Variants in LOXL2 observed in about 807,000 individuals in gnomAD.
LOXL2 encodes the protein lysyl oxidase like 2.
Under a neutral mutation model 93.0 loss-of-function variants are expected in LOXL2, and 70 were observed. That is an observed-to-expected ratio of 0.75 (90% CI 0.62 to 0.92). The LOEUF is 0.92. LOXL2 is among the 40% of genes least tolerant of loss of function. The pLI is 0.00. For synonymous variants in LOXL2, 438 were observed against 413.2 expected (o/e 1.06, Z -0.73); for missense variants, 973 against 1,054.9 (o/e 0.92, Z 1.08).
chr8:23,346,112 AAAATT>A (rs1229564356), intron 3 of LOXL2, among the ~76,000 whole-genome samples: 2 of 136,028 alleles, frequency 1.5e-5, no homozygotes, highest in African/African-American at 2.8e-5. Flanking sequence ...AAAATAAAAT[AAAATT>A]AAAATAAAAT....
intron 1 of LOXL2, among the ~76,000 whole-genome samples, chr8:23,399,254 G>A (rs1800129203): frequency 6.6e-6 from 1 of 152,166 alleles, no homozygotes; most frequent in Non-Finnish European, 1.5e-5. Context: ...GGAAATGGAC[G>A]ATGACAGTAA....
At chr8:23,401,628 A>T (rs1464377530) in intron 1 of LOXL2, among the ~76,000 whole-genome samples, 1 of 152,208 alleles carries the variant, frequency 6.6e-6, no homozygotes, top group Non-Finnish European at 1.5e-5. Context: ...TGCATACTTG[A>T]AATTTTTTGA....
intron 1 of LOXL2, among the ~76,000 whole-genome samples, chr8:23,389,904 C>T (rs1804815006): frequency 1.3e-5 from 2 of 152,194 alleles, no homozygotes; most frequent in South Asian, 4.1e-4. Flanking sequence ...CTGCCTGCCC[C>T]GGATTTGAAG....
intron 10 of LOXL2, among the ~76,000 whole-genome samples, chr8:23,307,972 A>AAAAAAAAAAAAAAC (rs1803257013): frequency 6.6e-6 from 1 of 151,040 alleles, no homozygotes; most frequent in Non-Finnish European, 1.5e-5. Flanking sequence ...AAAAAAAAAA[A>AAAAAAAAAAAAAAC]AGCCAAAGAT....
intron 6 of LOXL2, among the ~76,000 whole-genome samples, chr8:23,324,244 T>C (rs950173557): frequency 6.6e-6 from 1 of 152,230 alleles, no homozygotes; most frequent in Non-Finnish European, 1.5e-5. Flanking sequence ...CTTGCGTGGC[T>C]GTCTCAGCCA....
chr8:23,349,525 C>G lies in LOXL2; in HGVS notation c.532-8322G>C, dbSNP rs1804055547. 2.0e-5 allele frequency among the ~76,000 whole-genome samples: 3 copies of G among 152,150 alleles called. No individual in the cohort carries two copies. The South Asian group carries it at 6.2e-4, about 32-fold the overall frequency. ...GGTCCCTAATCTAGAGGAGGAGAGG[C>G]AGCACCAGCATCTCTGTGAAGCCCC... On this transcript the variant is annotated intron_variant, in intron 3 of 13. Transcript: ENST00000389131.
chr8:23,402,119 T>A (rs1800159066), intron 1 of LOXL2, among the ~76,000 whole-genome samples: 1 of 151,162 alleles, frequency 6.6e-6, no homozygotes, highest in African/African-American at 2.4e-5. Flanking sequence ...AATACACATA[T>A]ACACATACAG....
chr8:23,397,314 C>T (rs1024716741), intron 1 of LOXL2, among the ~76,000 whole-genome samples: 3 of 152,136 alleles, frequency 2.0e-5, no homozygotes, highest in South Asian at 2.1e-4. Flanking sequence ...ACACACTTAA[C>T]GCCACTGCAC....
chr8:23,298,016 A>C lies in LOXL2; in HGVS notation c.*27T>G. On this transcript the variant is annotated 3_prime_UTR_variant, in exon 14 of 14. Transcript: ENST00000389131. ...CCATGGAAGATGTGGTGTGGCCTGAAGACAGGAGTTGACCACGCAGGCTTC... is the reference window on the plus strand; with the variant it reads ...CCATGGAAGATGTGGTGTGGCCTGACGACAGGAGTTGACCACGCAGGCTTC... 6.3e-7 allele frequency: 1 copy of C among 1,598,056 alleles called. No homozygotes were observed. The highest frequency in any genetic ancestry group is 8.6e-7 in the Non-Finnish European group (1 of 1,166,850).
At chr8:23,359,148 G>T (rs374785200) in intron 3 of LOXL2, among the ~76,000 whole-genome samples, 1 of 151,924 alleles carries the variant, frequency 6.6e-6, no homozygotes, top group African/African-American at 2.4e-5. Context: ...CCCCGCGCCC[G>T]ACCCAGTACC....
chr8:23,321,974 T>G, intron 7 of LOXL2, 156 bp downstream of exon 7: 2 of 823,158 alleles, frequency 2.4e-6, no homozygotes, highest in Non-Finnish European at 3.8e-6. Context: ...AGGCCCGAGG[T>G]TCGAGGGGGA....
Position 23,333,465 on chromosome 8 carries a change from C to T in LOXL2, c.902G>A (p.Cys301Tyr), listed in dbSNP as rs946589391. Residue 301 changes from cysteine to tyrosine, a missense_variant, in exon 5 of 14, where the codon TGT (cysteine) becomes TAT (tyrosine). Transcript: ENST00000389131. ...CENGLPAVVS[C>Y]VPGQVFSPDG... ...AGGGCTGAAGACCTGCCCAGGCACA[C>T]AACTCACCACGGCCGGTAGCCCATT... The T allele has an allele frequency of 6.2e-7, 1 of 1,613,850 alleles. No homozygotes were observed. Among genetic ancestry groups the T allele is most frequent in the African/African-American group, 1.3e-5 (1 of 74,940 alleles).
chr8:23,320,732 A>AC (rs1206086201), intron 7 of LOXL2, among the ~76,000 whole-genome samples: 1 of 151,968 alleles, frequency 6.6e-6, no homozygotes, highest in African/African-American at 2.4e-5. Flanking sequence ...ACATAGTGAG[A>AC]CCCCATCTCT....
Position 23,368,409 on chromosome 8 carries a change from C to G in LOXL2, c.-58G>C. On this transcript the variant is annotated 5_prime_UTR_variant, in exon 2 of 14. Coordinates refer to ENST00000389131, the MANE Select transcript of LOXL2 (RefSeq NM_002318.3). ...GCCCTGCGCAGCTGGGAGGGACAGG[C>G]GGGGTACAGAAGCAGCAGGAGCTTT... 6.8e-7 allele frequency: 1 copy of G among 1,472,282 alleles called. No individual in the cohort carries two copies. Among genetic ancestry groups the G allele is most frequent in the Non-Finnish European group, 9.4e-7 (1 of 1,063,788 alleles). 91.2% of individuals were successfully genotyped at this position (1,472,282 alleles called of 1,614,324 possible).
chr8:23,342,696 G>C (rs1184165771), intron 3 of LOXL2, among the ~76,000 whole-genome samples: 1 of 152,080 alleles, frequency 6.6e-6, no homozygotes, highest in Admixed American at 6.5e-5. Flanking sequence ...CTCACAAAGT[G>C]CTGGGATTAC....
At position 23,317,062 on chromosome 8, in the gene LOXL2, C is replaced by G. The variant is rs748246154; in HGVS notation, c.1523G>C (p.Gly508Ala). The G allele has an allele frequency of 1.2e-6, 2 of 1,614,206 alleles. No homozygotes were observed. The highest frequency in any genetic ancestry group is 1.7e-6 in the Non-Finnish European group (2 of 1,180,032). Residue 508 changes from glycine to alanine, a missense_variant, in exon 9 of 14, where the codon GGA becomes GCA. Transcript: ENST00000389131. The part of the protein sequence containing the change: ...DVNSNKVVMS[G>A]VKCSGTELSL... ...CAGCTCCGTTCCCGAGCACTTCACTCCACTCATGACCACTTTGTTGCTGTT... is the reference window on the plus strand; with the variant it reads ...CAGCTCCGTTCCCGAGCACTTCACTGCACTCATGACCACTTTGTTGCTGTT...
At chr8:23,323,184 G>A (rs887044928) in intron 6 of LOXL2, among the ~76,000 whole-genome samples, 1 of 152,234 alleles carries the variant, frequency 6.6e-6, no homozygotes, top group African/African-American at 2.4e-5. Context: ...CATCGGTGAT[G>A]GTGGCTGGAA....
chr8:23,380,561 C>T (rs2117225525), intron 1 of LOXL2, among the ~76,000 whole-genome samples: 1 of 152,266 alleles, frequency 6.6e-6, no homozygotes, highest in Admixed American at 6.5e-5. Context: ...AGGGCCCTCT[C>T]CTACTCCCTC....
At chr8:23,339,785 T>A (rs1803851206) in intron 4 of LOXL2, among the ~76,000 whole-genome samples, 1 of 152,316 alleles carries the variant, frequency 6.6e-6, no homozygotes, top group Middle Eastern at 3.4e-3. Context: ...GTCTGGGGAC[T>A]GGAATCACCA....
Sources: allele counts gnomAD v4.1 joint callset (sites outside exome capture counted in the v4.1 genomes callset), GRCh38; gene constraint gnomAD v4.1.1; transcripts MANE v1.5; gene names NCBI Gene and HGNC (gene_info 2026-07-23, HGNC 2026-07-21).